The following KCNQ3 variants were observed in gnomAD, a reference collection of about 807,000 sequenced individuals.
KCNQ3 encodes the protein potassium voltage-gated channel subfamily KQT member 3.
A neutral mutation model predicts 92.5 loss-of-function variants in KCNQ3; 30 were observed. That is an observed-to-expected ratio of 0.32 (90% CI 0.24 to 0.44). KCNQ3 has a LOEUF of 0.44. KCNQ3 is among the 20% of genes least tolerant of loss of function. The pLI is 1.00. For synonymous variants in KCNQ3, 450 were observed against 468.8 expected, an observed-to-expected ratio of 0.96 and a Z score of 0.52; for missense variants, 913 against 1,140.3, an observed-to-expected ratio of 0.80 and a Z score of 2.87.
intron 1 of KCNQ3, among the ~76,000 whole-genome samples, chr8:132,308,977 G>C (rs945652252): frequency 6.6e-6 from 1 of 152,174 alleles, no homozygotes; most frequent in Non-Finnish European, 1.5e-5. Flanking sequence ...TGTCTGTGAG[G>C]GTGTTGCCAA....
At chr8:132,355,440 C>T (rs1378239163) in intron 1 of KCNQ3, among the ~76,000 whole-genome samples, 1 of 152,018 alleles carries the variant, frequency 6.6e-6, no homozygotes, top group Non-Finnish European at 1.5e-5. Context: ...CTGAGCCAAT[C>T]AGAATAGTTC....
chr8:132,214,789 C>G (rs1374940295), intron 1 of KCNQ3, among the ~76,000 whole-genome samples: 1 of 152,242 alleles, frequency 6.6e-6, no homozygotes, highest in Non-Finnish European at 1.5e-5. Context: ...GAGACTTAGA[C>G]AGATTAGAGG....
chr8:132,198,240 G>C (rs1261300110), intron 1 of KCNQ3, among the ~76,000 whole-genome samples: 1 of 152,190 alleles, frequency 6.6e-6, no homozygotes, highest in South Asian at 2.1e-4. Context: ...CCTCAGTTGA[G>C]CCTTTGGATG....
At chr8:132,206,595 A>G (rs984847935) in intron 1 of KCNQ3, among the ~76,000 whole-genome samples, 1 of 152,196 alleles carries the variant, frequency 6.6e-6, no homozygotes, top group African/African-American at 2.4e-5. Context: ...CATATCTAGA[A>G]GTTTGTCCAT....
chr8:132,182,851 G>GA (rs958358239), intron 3 of KCNQ3, among the ~76,000 whole-genome samples: 11 of 150,078 alleles, frequency 7.3e-5, no homozygotes, highest in Non-Finnish European at 1.5e-4. Flanking sequence ...AAAGAAATAT[G>GA]AAAAAATCAT....
intron 1 of KCNQ3, among the ~76,000 whole-genome samples, chr8:132,384,813 C>T (rs1421050159): frequency 6.6e-6 from 1 of 152,186 alleles, no homozygotes; most frequent in Non-Finnish European, 1.5e-5. Context: ...GTCATTTAAT[C>T]TCTTGCTGCC....
At chr8:132,168,717 ATGTGTG>A (rs568659056) in intron 8 of KCNQ3, among the ~76,000 whole-genome samples, 5,689 of 107,892 alleles carry the variant, frequency 0.053, 151 homozygotes, top group East Asian at 0.074. Flanking sequence ...GATAATGAAT[ATGTGTG>A]TGTGTGTGTG....
intron 1 of KCNQ3, among the ~76,000 whole-genome samples, chr8:132,354,552 C>T (rs904989523): frequency 6.6e-5 from 10 of 152,140 alleles, no homozygotes; most frequent in African/African-American, 9.7e-5. Flanking sequence ...CCAGGCAGGT[C>T]GTATTCTGGG....
At position 132,435,401 on chromosome 8, in the gene KCNQ3, T is replaced by C. The variant is rs941147312; in HGVS notation, c.386+44746A>G. ...CAGCCAGAGGCGGGGAGGGATCTCC[T>C]TACAGCTAAGGAACTAAAGCTCAGA... On this transcript the variant is annotated intron_variant, in intron 1 of 14. Transcript: ENST00000388996. Among the ~76,000 whole-genome samples the C allele has an allele frequency of 1.2e-4, 19 of 152,250 alleles. No individual in the cohort carries two copies. The South Asian group carries it at 2.1e-3, about 17-fold the overall frequency.
intron 1 of KCNQ3, among the ~76,000 whole-genome samples, chr8:132,192,596 T>G (rs1369457624): frequency 6.6e-6 from 1 of 152,152 alleles, no homozygotes; most frequent in Non-Finnish European, 1.5e-5. Flanking sequence ...TCGTCTGTCC[T>G]TTGTCACTTC....
intron 1 of KCNQ3, among the ~76,000 whole-genome samples, chr8:132,468,646 G>A (rs1822233477): frequency 6.6e-6 from 1 of 152,184 alleles, no homozygotes; most frequent in Non-Finnish European, 1.5e-5. Flanking sequence ...TGATGTAAAA[G>A]CATTAGTTAT....
At chr8:132,195,333 T>C (rs766750639) in intron 1 of KCNQ3, among the ~76,000 whole-genome samples, 6 of 152,186 alleles carry the variant, frequency 3.9e-5, no homozygotes, top group Non-Finnish European at 8.8e-5. Flanking sequence ...CACAACTATT[T>C]AATAGAAGAG....
chr8:132,450,834 A>G (rs567750024), intron 1 of KCNQ3, among the ~76,000 whole-genome samples: 12 of 152,278 alleles, frequency 7.9e-5, no homozygotes, highest in African/African-American at 2.6e-4. Flanking sequence ...CTGCCCTTCA[A>G]TGGACGACTG....
At chr8:132,303,929 T>C (rs1158119785) in intron 1 of KCNQ3, among the ~76,000 whole-genome samples, 26 of 151,644 alleles carry the variant, frequency 1.7e-4, no homozygotes, top group Admixed American at 1.7e-3. Context: ...GTCTGAGTAA[T>C]ATGCAGCCAT....
chr8:132,331,654 C>A (rs1234783915), intron 1 of KCNQ3, among the ~76,000 whole-genome samples: 5 of 152,182 alleles, frequency 3.3e-5, no homozygotes, highest in Non-Finnish European at 7.3e-5. Flanking sequence ...ACCCACCGTA[C>A]TGAAGGACCT....
rs551433913 is a variant in KCNQ3 at position 132,314,896 on chromosome 8, C to A, written c.387-128715G>T. ...TTCACAATAGGCGGGAAAAAATATG[C>A]AACGCATGCTGTGATAGAAAAACAA... is the stretch of plus-strand genomic sequence containing the variant. On this transcript the variant is annotated intron_variant, in intron 1 of 14. Transcript: ENST00000388996. Among the ~76,000 whole-genome samples, 48 of 152,244 alleles carry A rather than the reference C, an allele frequency of 3.2e-4. 1 individual carries two copies. The South Asian group carries it at 6.6e-3, about 21-fold the overall frequency.
chr8:132,362,378 C>A (rs1404492286), intron 1 of KCNQ3, among the ~76,000 whole-genome samples: 2 of 152,120 alleles, frequency 1.3e-5, no homozygotes, highest in African/African-American at 4.8e-5. Context: ...TCAAAGCGTG[C>A]CTTAAGGACC....
chr8:132,259,483 T>C (rs1197155402), intron 1 of KCNQ3, among the ~76,000 whole-genome samples: 1 of 151,940 alleles, frequency 6.6e-6, no homozygotes, highest in African/African-American at 2.4e-5. Context: ...AAATTAGAAA[T>C]AGAAGGAAAC....
intron 1 of KCNQ3, among the ~76,000 whole-genome samples, chr8:132,477,883 T>G (rs879707924): frequency 6.6e-6 from 1 of 152,222 alleles, no homozygotes; most frequent in Admixed American, 6.5e-5. Context: ...GCATCAGAAC[T>G]GGAATCTTGG....
Sources: gnomAD v4.1 joint callset for allele counts (sites outside exome capture counted in the v4.1 genomes callset) on GRCh38, gnomAD v4.1.1 for gene constraint, MANE v1.5 for transcripts, NCBI Gene and HGNC (gene_info 2026-07-23, HGNC 2026-07-21) for gene names.